The following ZNF385D variants were observed in gnomAD, a reference collection of about 807,000 sequenced individuals.
ZNF385D encodes zinc finger protein 385D, also known as zinc finger protein 659.
Under a neutral mutation model 35.8 loss-of-function variants are expected in ZNF385D, and 15 were observed. That is an observed-to-expected ratio of 0.42 (90% CI 0.28 to 0.64). The LOEUF is 0.64. Ranked by LOEUF, ZNF385D falls within the 30% of genes least tolerant of loss-of-function variation. The pLI, the probability that ZNF385D is intolerant of heterozygous loss-of-function variation, is 0.23. For synonymous variants in ZNF385D, 212 were observed against 186.8 expected, an observed-to-expected ratio of 1.13 and a Z score of -1.10; for missense variants, 474 against 494.6, an observed-to-expected ratio of 0.96 and a Z score of 0.39.
intron 3 of ZNF385D, among the ~76,000 whole-genome samples, chr3:21,926,136 C>T (rs1700714280): frequency 1.4e-5 from 2 of 141,920 alleles, no homozygotes; most frequent in African/African-American, 4.9e-5. Context: ...TTTGCCCTCT[C>T]CAATTTTTTT....
rs1700514290 is a variant in ZNF385D at position 21,413,049 on chromosome 3, A to G, written c.*8165T>C. On this transcript the variant is annotated 3_prime_UTR_variant, in exon 8 of 8. Transcript: ENST00000281523. ...ATTATTATTACTTTTTTTCAAGAAAAAATAGTACTTTACTGGTATACAAAG... is the reference window on the plus strand; with the variant it reads ...ATTATTATTACTTTTTTTCAAGAAAGAATAGTACTTTACTGGTATACAAAG... 1 of 152,016 alleles carries G rather than the reference A, an allele frequency of 6.6e-6. No individual in the cohort carries two copies. Among genetic ancestry groups the G allele is most frequent in the Non-Finnish European group, 1.5e-5 (1 of 67,956 alleles). 9.4% of individuals were successfully genotyped at this position (152,016 alleles called of 1,614,324 possible). A position where few individuals can be genotyped will look rare whatever the true frequency, so the allele number is the denominator to read the frequency against.
At chr3:21,918,181 T>TA (rs1700285745) in intron 3 of ZNF385D, among the ~76,000 whole-genome samples, 1 of 151,958 alleles carries the variant, frequency 6.6e-6, no homozygotes, top group East Asian at 1.9e-4. Context: ...CAATGGGGAA[T>TA]ATGATTGAAA....
chr3:22,140,586 C>A (rs2125702633), intron 3 of ZNF385D, among the ~76,000 whole-genome samples: 1 of 152,164 alleles, frequency 6.6e-6, no homozygotes, highest in Admixed American at 6.5e-5. Flanking sequence ...AATAGTATAC[C>A]AAAGCCAGTT....
chr3:22,215,654 C>T (rs904551555), intron 2 of ZNF385D, among the ~76,000 whole-genome samples: 4 of 152,084 alleles, frequency 2.6e-5, no homozygotes, highest in African/African-American at 9.6e-5. Context: ...TTTAATTTTG[C>T]CCTGGTACTG....
At chr3:21,730,846 A>G (rs917844189) in intron 1 of ZNF385D, among the ~76,000 whole-genome samples, 3 of 150,238 alleles carry the variant, frequency 2.0e-5, no homozygotes, top group Admixed American at 6.6e-5. Context: ...CCACATCACA[A>G]AATACAGATA....
At chr3:22,164,083 A>G (rs58785523) in intron 3 of ZNF385D, among the ~76,000 whole-genome samples, 5 of 152,298 alleles carry the variant, frequency 3.3e-5, no homozygotes, top group African/African-American at 1.2e-4. Context: ...GGGGATAGGT[A>G]AAAGAAATAA....
chr3:22,246,876 G>T (rs972088607), intron 2 of ZNF385D, among the ~76,000 whole-genome samples: 1 of 152,138 alleles, frequency 6.6e-6, no homozygotes, highest in African/African-American at 2.4e-5. Context: ...AATTCTCAAT[G>T]ATTTTTCAGA....
intron 2 of ZNF385D, among the ~76,000 whole-genome samples, chr3:21,615,597 T>C (rs77621009): frequency 0.028 from 4,238 of 152,268 alleles, 112 homozygotes; most frequent in South Asian, 0.12. Context: ...CCCAATGTTC[T>C]TGATTTTACC....
At chr3:22,240,736 T>A (rs11914440) in intron 2 of ZNF385D, among the ~76,000 whole-genome samples, 1 of 150,978 alleles carries the variant, frequency 6.6e-6, no homozygotes, top group Non-Finnish European at 1.5e-5. Flanking sequence ...TCAAACATTG[T>A]GTAATTGTAA....
intron 2 of ZNF385D, among the ~76,000 whole-genome samples, chr3:22,272,199 G>C (rs1433780436): frequency 6.6e-6 from 1 of 151,976 alleles, no homozygotes; most frequent in Non-Finnish European, 1.5e-5. Context: ...CGAGGGCTAG[G>C]ACTTTCACAT....
chr3:22,242,520 A>AG lies in ZNF385D; in HGVS notation c.107-73486dup, dbSNP rs142147198. On this transcript the variant is annotated intron_variant, in intron 2 of 5. Transcript: ENST00000494108. ...AATCAATAATTCCAATCTAATTATG[A>AG]GAAAAAAAAACTCAAAACAACGGAT... 3.3e-3 allele frequency among the ~76,000 whole-genome samples: 504 copies of AG among 151,012 alleles called. 17 individuals are homozygous for AG. Among genetic ancestry groups the AG allele is most frequent in the African/African-American group, 0.011 (442 of 40,894 alleles).
intron 3 of ZNF385D, among the ~76,000 whole-genome samples, chr3:21,978,846 G>C (rs1694219091): frequency 6.6e-6 from 1 of 151,814 alleles, no homozygotes; most frequent in Non-Finnish European, 1.5e-5. Context: ...TAGTGACCTT[G>C]ACTGTATAAA....
rs183141419 is a variant in ZNF385D at position 22,178,291 on chromosome 3, A to G, written c.107-9256T>C. 3.7e-3 allele frequency among the ~76,000 whole-genome samples: 564 copies of G among 152,280 alleles called. 1 individual carries two copies. Among genetic ancestry groups the G allele is most frequent in the Non-Finnish European group, 6.1e-3 (417 of 68,022 alleles). ...TGATTGCCATTCTAACTGGTGTGAG[A>G]TGGCATCTCATTGTGGTTTTGATTT... On this transcript the variant is annotated intron_variant, in intron 2 of 5. Coordinates refer to the ZNF385D transcript ENST00000494108.
intron 3 of ZNF385D, among the ~76,000 whole-genome samples, chr3:21,556,423 T>C (rs1394603570): frequency 6.6e-6 from 1 of 152,162 alleles, no homozygotes; most frequent in African/African-American, 2.4e-5. Context: ...AGGGATCCAG[T>C]TTCAGCTTTC....
chr3:21,843,019 GA>G (rs1695774987), intron 3 of ZNF385D, among the ~76,000 whole-genome samples: 1 of 151,980 alleles, frequency 6.6e-6, no homozygotes, highest in Admixed American at 6.6e-5. Context: ...GTCCTTATTT[GA>G]AATAGTTTAG....
chr3:22,206,262 G>A (rs1334621619), intron 2 of ZNF385D, among the ~76,000 whole-genome samples: 2 of 151,774 alleles, frequency 1.3e-5, no homozygotes, highest in African/African-American at 4.8e-5. Flanking sequence ...TCCAACACTG[G>A]AACACCCAGA....
At chr3:21,605,175 G>C (rs539665133) in intron 2 of ZNF385D, among the ~76,000 whole-genome samples, 1 of 152,162 alleles carries the variant, frequency 6.6e-6, no homozygotes. Flanking sequence ...ATCATTGGAG[G>C]GGGGCTGTGT....
intron 3 of ZNF385D, among the ~76,000 whole-genome samples, chr3:21,802,794 CCTGT>C (rs796992900): frequency 9.2e-5 from 14 of 152,228 alleles, no homozygotes; most frequent in African/African-American, 3.4e-4. Context: ...CACCTGTCTG[CCTGT>C]CTAACTGGGC....
chr3:21,611,358 G>A (rs2064672325), intron 2 of ZNF385D, among the ~76,000 whole-genome samples: 1 of 152,196 alleles, frequency 6.6e-6, no homozygotes, highest in Non-Finnish European at 1.5e-5. Context: ...TGCAATCCAG[G>A]TGGGCTGTTC....
Sources: allele counts gnomAD v4.1 joint callset (sites outside exome capture counted in the v4.1 genomes callset), GRCh38; gene constraint gnomAD v4.1.1; transcripts MANE v1.5; gene names NCBI Gene and HGNC (gene_info 2026-07-23, HGNC 2026-07-21).